The following ZSCAN18 variants were observed in gnomAD, a reference collection of about 807,000 sequenced individuals.
ZSCAN18 encodes the protein zinc finger and SCAN domain containing 18.
In ZSCAN18, 16 loss-of-function variants were observed where a neutral mutation model predicts 31.1. The observed-to-expected ratio is 0.51, with a 90% CI of 0.35 to 0.78. The LOEUF (loss-of-function observed/expected upper bound fraction) is 0.78, where lower values mean the gene tolerates loss of function less well. Ranked by LOEUF, ZSCAN18 falls within the 30% of genes least tolerant of loss-of-function variation. The pLI is 0.01. For missense variants in ZSCAN18, 731 were observed against 697.4 expected (o/e 1.05, Z -0.54); for synonymous variants, 375 against 320.7 (o/e 1.17, Z -1.81).
intron 1 of ZSCAN18, among the ~76,000 whole-genome samples, chr19:58,107,212 T>C (rs4608428): frequency 0.76 from 115,805 of 152,014 alleles, 44,831 homozygotes; most frequent in Non-Finnish European, 0.85. Flanking sequence ...CAAGCAGCCA[T>C]ATTTTGAAAG....
intron 1 of ZSCAN18, among the ~76,000 whole-genome samples, chr19:58,096,855 G>C (rs1282185870): frequency 6.6e-6 from 1 of 152,294 alleles, no homozygotes; most frequent in South Asian, 2.1e-4. Context: ...AAAACATGGA[G>C]TAAGGGTCGT....
At chr19:58,118,230 C>T (rs1274144326) in intron 1 of ZSCAN18, 18 of 1,100,782 alleles carry the variant, frequency 1.6e-5, no homozygotes, top group South Asian at 5.4e-5. Flanking sequence ...ACGCAGCCAC[C>T]GCCCAGCCCC....
Position 58,093,464 on chromosome 19 carries a change from C to T in ZSCAN18, c.-119-3078G>A, listed in dbSNP as rs372604255. On this transcript the variant is annotated intron_variant, in intron 1 of 6. Transcript: ENST00000601144. ...CAGGGGACAACCTCACGACCGTCAC[C>T]TACTTATGGCAGCCCCCACCGGGGT... 1.3e-5 allele frequency: 2 copies of T among 152,242 alleles called. 1 individual carries two copies. The highest frequency in any genetic ancestry group is 4.1e-4 in the South Asian group (2 of 4,824). The allele number at this position is 152,242 out of a possible 1,614,324, so 9.4% of individuals were successfully genotyped here.
At chr19:58,105,851 T>C (rs546160274) in intron 1 of ZSCAN18, among the ~76,000 whole-genome samples, 2 of 151,888 alleles carry the variant, frequency 1.3e-5, no homozygotes, top group Non-Finnish European at 2.9e-5. Context: ...TAGTGGTACA[T>C]GCCTGTAGTC....
Position 58,108,307 on chromosome 19 carries a change from C to G in ZSCAN18, c.130+9960G>C, listed in dbSNP as rs918385940. 4.1e-6 allele frequency: 4 copies of G among 985,320 alleles called. No homozygotes were observed. In the African/African-American group the frequency reaches 5.2e-5, roughly 13 times the overall value. The allele number at this position is 985,320 out of a possible 1,614,324, so 61.0% of individuals were successfully genotyped here. A position where few individuals can be genotyped will look rare whatever the true frequency, so the allele number is the denominator to read the frequency against. On this transcript the variant is annotated intron_variant, in intron 1 of 1. Transcript: ENST00000595721. ...CTCAGATGGACAATAAGGTTGGAGA[C>G]ATCAGAAAAGGATTTTTCACATTCA...
At chr19:58,094,749 A>G (rs1026346001) in intron 1 of ZSCAN18, among the ~76,000 whole-genome samples, 3 of 151,912 alleles carry the variant, frequency 2.0e-5, no homozygotes, top group Non-Finnish European at 4.4e-5. Flanking sequence ...ACAGTGGTGC[A>G]TGCCTGTGGT....
chr19:58,107,418 G>A (rs372500309), intron 1 of ZSCAN18, among the ~76,000 whole-genome samples: 2 of 151,952 alleles, frequency 1.3e-5, no homozygotes, highest in Admixed American at 6.6e-5. Flanking sequence ...AACAATTAGT[G>A]TGATGGTGGG....
rs2074557607 is a variant in ZSCAN18 at position 58,098,171 on chromosome 19, C to T, written c.-120+3G>A. On this transcript the variant is annotated splice_donor_region_variant and intron_variant, in intron 1 of 6. Transcript: ENST00000601144. ...CCGCGCTGCATCCCCGGGACCGACC[C>T]ACCTGCTGCGCAGCTACCCCAGGCC... 1.0e-6 allele frequency: 1 copy of T among 985,554 alleles called. No homozygotes were observed. Among genetic ancestry groups the T allele is most frequent in the Middle Eastern group, 5.2e-4 (1 of 1,918 alleles). The allele number at this position is 985,554 out of a possible 1,614,324, so 61.1% of individuals were successfully genotyped here. A position where few individuals can be genotyped will look rare whatever the true frequency, so the allele number is the denominator to read the frequency against.
At chr19:58,111,855 C>T (rs2074685858) in intron 1 of ZSCAN18, among the ~76,000 whole-genome samples, 1 of 152,160 alleles carries the variant, frequency 6.6e-6, no homozygotes. Flanking sequence ...AAGGATTACA[C>T]ACCACGAGCA....
At position 58,104,248 on chromosome 19, in the gene ZSCAN18, G is replaced by A. The variant is rs185752147; in HGVS notation, c.131-13862C>T. Among the ~76,000 whole-genome samples, 650 of 152,068 alleles carry A rather than the reference G, an allele frequency of 4.3e-3. 5 individuals carry two copies. Among genetic ancestry groups the A allele is most frequent in the African/African-American group, 0.015 (620 of 41,460 alleles). ...ACAAAAATTAGCTGGGCATGGTGGC[G>A]TGCGCCTGTAGTCCCAGCTACTCAG... On this transcript the variant is annotated intron_variant, in intron 1 of 1. Coordinates refer to the ZSCAN18 transcript ENST00000595721.
Position 58,090,292 on chromosome 19 carries a change from G to A in ZSCAN18, c.-25C>T. The A allele has an allele frequency of 1.2e-6, 2 of 1,613,526 alleles. No homozygotes were observed. The highest frequency in any genetic ancestry group is 2.2e-5 in the South Asian group (2 of 91,078). ...TCTTTCCAAAACGGCACTGGAAAAT[G>A]TGACTGTCTAGCCAGGGACAAGGTG... is the stretch of plus-strand genomic sequence containing the variant. On this transcript the variant is annotated 5_prime_UTR_variant, in exon 2 of 7. Coordinates refer to ENST00000601144, the MANE Select transcript of ZSCAN18 (RefSeq NM_001145543.2). The surrounding 1 kb of genome is among the most constrained non-coding windows in gnomAD (Gnocchi z 4.7).
intron 1 of ZSCAN18, among the ~76,000 whole-genome samples, chr19:58,091,986 A>G (rs2074421414): frequency 6.6e-6 from 1 of 151,942 alleles, no homozygotes; most frequent in African/African-American, 2.4e-5. Flanking sequence ...CCACCAGAAT[A>G]TGGGGCGCAA....
intron 1 of ZSCAN18, chr19:58,107,964 AGG>A: frequency 9.4e-7 from 1 of 1,061,306 alleles, no homozygotes; most frequent in Non-Finnish European, 1.2e-6. Flanking sequence ...GTGCCAGATG[AGG>A]CCCGCGATGT....
chr19:58,106,429 G>A (rs1204300469), intron 1 of ZSCAN18, among the ~76,000 whole-genome samples: 1 of 10,138 alleles, frequency 9.9e-5, no homozygotes, highest in African/African-American at 1.8e-4. Flanking sequence ...CTGGCTGGGC[G>A]CGGTGGCTCA....
chr19:58,102,056 G>A (rs1251616091), upstream of ZSCAN18, among the ~76,000 whole-genome samples: 1 of 151,948 alleles, frequency 6.6e-6, no homozygotes, highest in Non-Finnish European at 1.5e-5. Context: ...ATGCACACAT[G>A]CATACACACA....
intron 1 of ZSCAN18, among the ~76,000 whole-genome samples, chr19:58,106,812 G>C (rs183292172): frequency 1.3e-5 from 2 of 151,576 alleles, no homozygotes; most frequent in African/African-American, 4.9e-5. Flanking sequence ...CCAGGCTGCA[G>C]TGCAGTGGCT....
At chr19:58,088,379 T>A in intron 3 of ZSCAN18, 1 of 269,768 alleles carries the variant, frequency 3.7e-6, no homozygotes. Flanking sequence ...TGAGGGGACG[T>A]GCATCAGGAC....
At chr19:58,095,995 G>C (rs1015200936) in intron 1 of ZSCAN18, among the ~76,000 whole-genome samples, 1 of 152,178 alleles carries the variant, frequency 6.6e-6, no homozygotes, top group Non-Finnish European at 1.5e-5. Flanking sequence ...CATCTCAAGA[G>C]CCTCCAGAAA....
chr19:58,109,922 T>G (rs1007254203), intron 1 of ZSCAN18, among the ~76,000 whole-genome samples: 35 of 152,316 alleles, frequency 2.3e-4, no homozygotes, highest in African/African-American at 7.9e-4. Context: ...GATATTATGA[T>G]TTTTAAAAAG....
Sources: gnomAD v4.1 joint callset for allele counts (sites outside exome capture counted in the v4.1 genomes callset) on GRCh38, gnomAD v4.1.1 for gene constraint, Gnocchi (gnomAD v3.1) non-coding constraint, MANE v1.5 for transcripts, NCBI Gene and HGNC (gene_info 2026-07-23, HGNC 2026-07-21) for gene names.